The following D2HGDH variants were observed in gnomAD, a reference collection of about 807,000 sequenced individuals.
D2HGDH encodes the protein D-2-hydroxyglutarate dehydrogenase.
D2HGDH carries 31 observed loss-of-function variants against 46.9 expected under a neutral mutation model. The ratio of observed to expected loss-of-function variants is 0.66; its 90% CI spans 0.50 to 0.89. The LOEUF (loss-of-function observed/expected upper bound fraction) is 0.89, where lower values mean the gene tolerates loss of function less well. Among genes scored for constraint, D2HGDH ranks in the 40% least tolerant of loss-of-function variants. The pLI, the probability that D2HGDH is intolerant of heterozygous loss-of-function variation, is 0.00. For synonymous variants in D2HGDH, 364 were observed against 332.6 expected (o/e 1.09, Z -1.03); for missense variants, 698 against 720.8 (o/e 0.97, Z 0.36).
At chr2:241,764,363 G>A (rs562401634) in intron 9 of D2HGDH, among the ~76,000 whole-genome samples, 205 of 152,374 alleles carry the variant, frequency 1.3e-3, no homozygotes, top group Admixed American at 2.3e-3. Flanking sequence ...GGCTCATGAC[G>A]TGCATGTTTC....
rs1186729739 is a variant in D2HGDH at position 241,742,090 on chromosome 2, G to A, written c.351-345G>A. On this transcript the variant is annotated intron_variant, in intron 3 of 9. Transcript: ENST00000321264. The surrounding 1 kb of genome is among the most constrained non-coding windows in gnomAD (Gnocchi z 4.8). ...GCAGGCAGAGGGTGGAAGGCAGTGGGGGCAGTGCGGTCGAGGAACCCTGAG... is the reference window on the plus strand; with the variant it reads ...GCAGGCAGAGGGTGGAAGGCAGTGGAGGCAGTGCGGTCGAGGAACCCTGAG... Among the ~76,000 whole-genome samples, 1 of 152,122 alleles carries A rather than the reference G, an allele frequency of 6.6e-6. No individual in the cohort carries two copies. Among genetic ancestry groups the A allele is most frequent in the Non-Finnish European group, 1.5e-5 (1 of 68,018 alleles).
chr2:241,754,895 G>A (rs560263300), intron 8 of D2HGDH: 9 of 778,730 alleles, frequency 1.2e-5, no homozygotes, highest in East Asian at 6.8e-5. Flanking sequence ...GAGCCACTGC[G>A]CCCGGCCAAG....
intron 5 of D2HGDH, among the ~76,000 whole-genome samples, chr2:241,744,039 C>T (rs1695230160): frequency 6.6e-6 from 1 of 152,176 alleles, no homozygotes; most frequent in African/African-American, 2.4e-5. Context: ...TGTCCACTGC[C>T]TCGGGGCCAC....
chr2:241,763,902 C>T (rs146871826), intron 9 of D2HGDH, among the ~76,000 whole-genome samples: 18,604 of 151,642 alleles, frequency 0.12, 1,218 homozygotes, highest in South Asian at 0.21. Context: ...AAAAAATAAT[C>T]AGCCAGGCAT....
chr2:241,755,944 C>G lies in D2HGDH; in HGVS notation c.1236C>G (p.Tyr412Ter). The change falls in exon 9 of 10, where the codon TAC (tyrosine) becomes TAG (stop). Residue 412 changes from tyrosine (Y) to a stop codon, truncating the protein, a stop_gained. Coordinates refer to ENST00000321264, the MANE Select transcript of D2HGDH (RefSeq NM_152783.5). LOFTEE classifies it high-confidence loss of function. ...YDLSLPVERL[Y>*]DIVTDLRARL... ...TCTCCCTCCCTGTGGAGCGGCTCTA[C>G]GACATCGTGACTGACCTGCGCGCCC... The G allele has an allele frequency of 6.2e-7, 1 of 1,611,258 alleles. No homozygotes were observed. Among genetic ancestry groups the G allele is most frequent in the Non-Finnish European group, 8.5e-7 (1 of 1,178,310 alleles).
At chr2:241,746,347 G>A (rs538629418) in intron 6 of D2HGDH, among the ~76,000 whole-genome samples, 93 of 152,118 alleles carry the variant, frequency 6.1e-4, no homozygotes, top group Middle Eastern at 3.4e-3. Flanking sequence ...GGTTCCCTCC[G>A]TCCATTGAGT....
chr2:241,760,132 G>A (rs987424075), intron 9 of D2HGDH, among the ~76,000 whole-genome samples: 6 of 110,182 alleles, frequency 5.4e-5, no homozygotes, highest in African/African-American at 1.8e-4. Context: ...TCGCCACAGC[G>A]TGGGTGGGCC....
At position 241,755,870 on chromosome 2, in the gene D2HGDH, A is replaced by G. The variant is rs376376466; in HGVS notation, c.1162A>G (p.Arg388Gly). 53 of 1,612,750 alleles carry G rather than the reference A, an allele frequency of 3.3e-5. No individual in the cohort carries two copies. Among genetic ancestry groups the G allele is most frequent in the Non-Finnish European group, 4.5e-5 (53 of 1,179,360 alleles). ...KVKMLWALRE[R>G]ITEALSRDGY... The stretch of plus-strand genomic sequence containing the variant: ...CTAGATGCTGTGGGCCCTGAGGGAA[A>G]GGATCACAGAGGCGCTGAGCCGGGA... The change falls in exon 9 of 10, where the codon AGG (arginine) becomes GGG (glycine). Residue 388 changes from arginine (R) to glycine (G), a missense_variant. Arg to Gly is a moderately radical substitution (Grantham distance 125, BLOSUM62 -2). Transcript: ENST00000321264.
intron 8 of D2HGDH, chr2:241,755,298 C>T (rs1304977549): frequency 7.7e-7 from 1 of 1,302,984 alleles, no homozygotes; most frequent in South Asian, 1.2e-5. Context: ...TCCCTGCCTC[C>T]CACCCGACAT....
chr2:241,764,738 C>T (rs534514479), intron 9 of D2HGDH, among the ~76,000 whole-genome samples: 1 of 152,346 alleles, frequency 6.6e-6, no homozygotes, highest in South Asian at 2.1e-4. Context: ...GTGGTGCGTC[C>T]TGGTTTGCCT....
At chr2:241,764,172 G>T (rs1463180349) in intron 9 of D2HGDH, among the ~76,000 whole-genome samples, 1 of 152,180 alleles carries the variant, frequency 6.6e-6, no homozygotes, top group East Asian at 1.9e-4. Flanking sequence ...ACGCATCCGT[G>T]GGGACTGTGG....
In D2HGDH at chr2:241,741,089, A is replaced by G. The variant is rs1289999726; in HGVS notation, c.349A>G (p.Arg117Gly). 1.2e-6 allele frequency: 2 copies of G among 1,613,564 alleles called. No homozygotes were observed. Among genetic ancestry groups the G allele is most frequent in the African/African-American group, 2.7e-5 (2 of 75,020 alleles). ...GTCGGAGGAGGTGTCCCACATCCTCAGGTGAGGTGGTGGCTCCCGGCTCCC... is the reference window on the plus strand; with the variant it reads ...GTCGGAGGAGGTGTCCCACATCCTCGGGTGAGGTGGTGGCTCCCGGCTCCC... ...RTSEEVSHIL[R>G]HCHERNLAVN... Residue 117 changes from arginine (R) to glycine (G), a missense_variant and splice_region_variant, in exon 3 of 10, where the codon AGG becomes GGG. Arg to Gly is a moderately radical substitution (Grantham distance 125). Transcript: ENST00000321264.
intron 9 of D2HGDH, among the ~76,000 whole-genome samples, chr2:241,760,145 A>G (rs1698627893): frequency 2.0e-5 from 2 of 99,786 alleles, no homozygotes; most frequent in South Asian, 3.3e-4. Flanking sequence ...GGTGGGCCTT[A>G]CCCAATCAGT....
intron 9 of D2HGDH, among the ~76,000 whole-genome samples, chr2:241,765,173 A>T (rs1559403145): frequency 6.6e-6 from 1 of 152,212 alleles, no homozygotes; most frequent in East Asian, 1.9e-4. Flanking sequence ...CTGGGGATAC[A>T]GACTGGAAGA....
At chr2:241,762,178 T>A (rs1397818726) in intron 9 of D2HGDH, among the ~76,000 whole-genome samples, 3 of 151,310 alleles carry the variant, frequency 2.0e-5, no homozygotes, top group Non-Finnish European at 2.9e-5. Flanking sequence ...TTCAGGCGAT[T>A]CTCCTGCCTC....
chr2:241,767,861 G>T lies in D2HGDH; in HGVS notation c.1458G>T (p.Leu486=). ...HGVGFRKRDV[L]GYSKPPGALQ... The stretch of plus-strand genomic sequence containing the variant: ...TGGGCTTCAGGAAGAGGGACGTCCT[G>T]GGCTACAGCAAGCCACCGGGGGCCC... The change falls in exon 10 of 10, where the codon CTG becomes CTT. Residue 486 remains leucine, a synonymous_variant. Transcript: ENST00000321264. The T allele has an allele frequency of 2.5e-6, 4 of 1,611,016 alleles. No homozygotes were observed. The highest frequency in any genetic ancestry group is 3.4e-6 in the Non-Finnish European group (4 of 1,178,980).
intron 9 of D2HGDH, among the ~76,000 whole-genome samples, chr2:241,764,154 G>T (rs1699071532): frequency 1.3e-5 from 2 of 151,210 alleles, no homozygotes; most frequent in Admixed American, 1.3e-4. Flanking sequence ...GCCCTCTCTG[G>T]CCTGAGCACG....
chr2:241,756,075 G>A (rs555191354), intron 9 of D2HGDH, 61 bp downstream of exon 9: 68 of 1,535,144 alleles, frequency 4.4e-5, no homozygotes, highest in Admixed American at 3.7e-4. Flanking sequence ...CACGGTCACC[G>A]TCACCCTGCC....
chr2:241,744,968 A>AG (rs1695458466), intron 6 of D2HGDH, 91 bp downstream of exon 6: 26 of 1,503,156 alleles, frequency 1.7e-5, no homozygotes, highest in African/African-American at 1.1e-4. Flanking sequence ...AAGGGGATGG[A>AG]GGGACCCCCC....
Sources: gnomAD v4.1 joint callset for allele counts (sites outside exome capture counted in the v4.1 genomes callset) on GRCh38, gnomAD v4.1.1 for gene constraint, Gnocchi (gnomAD v3.1) non-coding constraint, MANE v1.5 for transcripts, NCBI Gene and HGNC (gene_info 2026-07-23, HGNC 2026-07-21) for gene names.